Variants in THBS4 observed in about 807,000 individuals in gnomAD.
THBS4 encodes the protein thrombospondin 4.
THBS4 carries 90 observed loss-of-function variants against 115.7 expected under a neutral mutation model. The ratio of observed to expected loss-of-function variants is 0.78; its 90% CI spans 0.66 to 0.93. The LOEUF is 0.93. THBS4 is among the 40% of genes least tolerant of loss of function. THBS4 has a pLI of 0.00. For missense variants in THBS4, 1,087 were observed against 1,232.7 expected (o/e 0.88, Z 1.77); for synonymous variants, 460 against 479.3 (o/e 0.96, Z 0.53).
At position 80,076,991 on chromosome 5, in the gene THBS4, C is replaced by A. The variant is rs1005597182; in HGVS notation, c.2029C>A (p.Pro677Thr). 6.2e-7 allele frequency: 1 copy of A among 1,612,450 alleles called. No homozygotes were observed. Among genetic ancestry groups the A allele is most frequent in the Non-Finnish European group, 8.5e-7 (1 of 1,179,208 alleles). ...DDNDGIPDLV[P>T]PGPDNCRLVP... ...CAATGATGGTATCCCAGACCTGGTG[C>A]CCCCTGGACCAGACAACTGCCGGCT... is the stretch of plus-strand genomic sequence containing the variant. Residue 677 changes from proline to threonine, a missense_variant, in exon 16 of 22, where the codon CCC (proline) becomes ACC (threonine). Pro to Thr is a conservative substitution (Grantham distance 38). Around this residue, in one of 3 missense-constraint regions of THBS4, gnomAD observed 979 missense variants for 1,103.7 expected, o/e 0.89. Transcript: ENST00000350881.
At chr5:80,040,337 T>G (rs1832858618) in intron 2 of THBS4, 57 bp downstream of exon 2, 2 of 1,387,214 alleles carry the variant, frequency 1.4e-6, no homozygotes, top group South Asian at 2.5e-5. Context: ...ATTCCAGGAT[T>G]AGGGGTATAC....
intron 2 of THBS4, among the ~76,000 whole-genome samples, chr5:80,011,319 A>C (rs1377741921): frequency 6.6e-6 from 1 of 152,104 alleles, no homozygotes; most frequent in Admixed American, 6.5e-5. Context: ...ATGAGAACAG[A>C]CTAATACAAG....
chr5:80,017,228 C>T (rs1264391486), intron 2 of THBS4, among the ~76,000 whole-genome samples: 1 of 152,040 alleles, frequency 6.6e-6, no homozygotes, highest in Non-Finnish European at 1.5e-5. Flanking sequence ...GTAAAGAAAA[C>T]CTCCCCAAAT....
At chr5:80,072,527 A>G in intron 14 of THBS4, 131 bp downstream of exon 14, 1 of 792,274 alleles carries the variant, frequency 1.3e-6, no homozygotes, top group East Asian at 2.5e-5. Flanking sequence ...CAGAGGTGGA[A>G]AAATGACACA....
intron 1 of THBS4, among the ~76,000 whole-genome samples, chr5:79,993,422 G>T (rs1831728217): frequency 6.6e-6 from 1 of 152,168 alleles, no homozygotes. Context: ...CAGAAATTAT[G>T]CCTGGTATGG....
chr5:80,025,784 T>C (rs561943750), intron 2 of THBS4, among the ~76,000 whole-genome samples: 40 of 152,336 alleles, frequency 2.6e-4, no homozygotes, highest in African/African-American at 9.4e-4. Context: ...TCTGTTCTTA[T>C]TCCAAATTCC....
chr5:80,008,045 A>T (rs532986622), intron 2 of THBS4, among the ~76,000 whole-genome samples: 2 of 152,374 alleles, frequency 1.3e-5, no homozygotes, highest in South Asian at 4.1e-4. Flanking sequence ...GCATAAAAGC[A>T]TTAAAAAGTT....
chr5:80,030,511 G>T (rs1264936330), upstream of THBS4, among the ~76,000 whole-genome samples: 1 of 152,092 alleles, frequency 6.6e-6, no homozygotes. Context: ...AGGATTACAG[G>T]TGCCCACCAC....
chr5:80,029,070 T>C (rs2438607), intron 2 of THBS4, among the ~76,000 whole-genome samples: 36,129 of 152,108 alleles, frequency 0.24, 4,676 homozygotes, highest in African/African-American at 0.34. Flanking sequence ...ATTCATTTGC[T>C]TGCAAACCAT....
intron 9 of THBS4, chr5:80,067,390 A>G (rs1833869862): frequency 6.6e-6 from 1 of 151,740 alleles, no homozygotes; most frequent in African/African-American, 2.4e-5. Flanking sequence ...GTGCAGTGTG[A>G]TAATATATAT....
intron 2 of THBS4, among the ~76,000 whole-genome samples, chr5:80,010,367 G>T (rs528182207): frequency 2.0e-5 from 3 of 152,330 alleles, no homozygotes; most frequent in Admixed American, 6.5e-5. Flanking sequence ...CAGGGTAGAA[G>T]TATGCAGTGG....
intron 2 of THBS4, 116 bp downstream of exon 2, chr5:80,040,396 A>G: frequency 1.5e-6 from 1 of 651,152 alleles, no homozygotes; most frequent in East Asian, 4.7e-5. Context: ...CTCACTAGTC[A>G]TTTCAGTTTT....
At chr5:80,021,579 T>C (rs769609738) in intron 2 of THBS4, among the ~76,000 whole-genome samples, 8 of 152,104 alleles carry the variant, frequency 5.3e-5, no homozygotes, top group Non-Finnish European at 8.8e-5. Context: ...CAGTCGTAGC[T>C]CACTATAGCC....
In THBS4 at chr5:80,072,258, G is replaced by A. The variant is rs774007319; in HGVS notation, c.1721-20G>A. On this transcript the variant is annotated intron_variant, in intron 13 of 21. Transcript: ENST00000350881. The stretch of plus-strand genomic sequence containing the variant: ...GTCAGTGACATTCCCCTGACTCAAG[G>A]TAGCATTTCTTTCTCACAGGAATAA... 11 of 1,607,500 alleles carry A rather than the reference G, an allele frequency of 6.8e-6. No individual in the cohort carries two copies. In the Admixed American group the frequency reaches 1.0e-4, roughly 15 times the overall value.
At chr5:80,024,215 A>G (rs1832432586) in intron 2 of THBS4, among the ~76,000 whole-genome samples, 1 of 152,182 alleles carries the variant, frequency 6.6e-6, no homozygotes, top group African/African-American at 2.4e-5. Context: ...TGACCACTCT[A>G]AGGAACAGAA....
In THBS4 at chr5:80,019,380, T is replaced by G. The variant is rs959547673; in HGVS notation, n.178-20697T>G. Among the ~76,000 whole-genome samples the G allele has an allele frequency of 2.0e-5, 3 of 152,242 alleles. No homozygotes were observed. In the East Asian group the frequency reaches 5.8e-4, roughly 29 times the overall value. On this transcript the variant is annotated intron_variant and non_coding_transcript_variant, in intron 2 of 3. Coordinates refer to the THBS4 transcript ENST00000510218. The stretch of plus-strand genomic sequence containing the variant: ...CATGCCCTTCATTGATTTCTGGATT[T>G]TTTTAAGTCATAAAAGATATTTGGG...
Position 80,076,934 on chromosome 5 carries a change from G to A in THBS4, c.1972G>A (p.Gly658Arg), listed in dbSNP as rs762813429. 2 of 1,613,922 alleles carry A rather than the reference G, an allele frequency of 1.2e-6. No homozygotes were observed. Among genetic ancestry groups the A allele is most frequent in the East Asian group, 2.2e-5 (1 of 44,846 alleles). ...NSAQLDTDKD[G>R]IGDECDDDDD... ...TGCCCAGCTGGACACCGATAAGGAT[G>A]GAATTGGTGACGAGTGTGATGATGA... Residue 658 changes from glycine (G) to arginine (R), a missense_variant, in exon 16 of 22, where the codon GGA becomes AGA. Transcript: ENST00000350881.
chr5:80,057,055 G>A (rs934194418), intron 3 of THBS4, among the ~76,000 whole-genome samples: 1 of 151,936 alleles, frequency 6.6e-6, no homozygotes, highest in South Asian at 2.1e-4. Context: ...AGGTTTTTGG[G>A]GATTTTTGTT....
At position 80,058,968 on chromosome 5, in the gene THBS4, G is replaced by A. The variant is rs181376637; in HGVS notation, c.732+178G>A. Among the ~76,000 whole-genome samples, 189 of 151,866 alleles carry A rather than the reference G, an allele frequency of 1.2e-3. 1 individual carries two copies. The Middle Eastern group carries it at 0.017, about 14-fold the overall frequency. ...GAAGTTCTCTGGAAATGGGGTCCAAGCTCGTGATGAACACACCATGGCTCT... is the reference window on the plus strand; with the variant it reads ...GAAGTTCTCTGGAAATGGGGTCCAAACTCGTGATGAACACACCATGGCTCT... On this transcript the variant is annotated intron_variant, in intron 5 of 21. Transcript: ENST00000350881.
Sources: allele counts gnomAD v4.1 joint callset (sites outside exome capture counted in the v4.1 genomes callset), GRCh38; gene constraint gnomAD v4.1.1; regional missense constraint gnomAD v4.1.1; transcripts MANE v1.5; gene names NCBI Gene and HGNC (gene_info 2026-07-23, HGNC 2026-07-21).